The following ABL1 variants were observed in gnomAD, a reference collection of about 807,000 sequenced individuals.
ABL1 encodes ABL proto-oncogene 1, non-receptor tyrosine kinase.
In ABL1, 11 loss-of-function variants were observed where a neutral mutation model predicts 94.7. That is an observed-to-expected ratio of 0.12 (90% CI 0.07 to 0.19). ABL1 has a LOEUF of 0.19. Ranked by LOEUF, ABL1 falls within the 10% of genes least tolerant of loss-of-function variation. The probability of loss-of-function intolerance (pLI) is 1.00; values close to 1 mark genes in which losing one functional copy is unlikely to be tolerated. For synonymous variants in ABL1, 656 were observed against 622.4 expected (o/e 1.05, Z -0.80); for missense variants, 1,082 against 1,489.4 (o/e 0.73, Z 4.50).
chr9:130,782,143 C>T (rs1318638319), intron 1 of ABL1, among the ~76,000 whole-genome samples: 4 of 151,894 alleles, frequency 2.6e-5, no homozygotes, highest in Non-Finnish European at 5.9e-5. Flanking sequence ...ACTGCAACCT[C>T]CACCTTCCAG....
chr9:130,714,010 A>C (rs186471720), exon 1 of ABL1: 2 of 288,224 alleles, frequency 6.9e-6, no homozygotes. Context: ...ATTTCTGTTT[A>C]GGTTTTTCTT....
intron 1 of ABL1, among the ~76,000 whole-genome samples, chr9:130,787,680 C>T (rs1829849322): frequency 6.6e-6 from 1 of 152,148 alleles, no homozygotes; most frequent in East Asian, 1.9e-4. Context: ...GTCACGAGCA[C>T]CTGGTAGTGG....
rs1446461590 is a variant in ABL1 at position 130,862,131 on chromosome 9, T to C, written c.550-632T>C. 3.9e-5 allele frequency among the ~76,000 whole-genome samples: 6 copies of C among 152,240 alleles called. No homozygotes were observed. The highest frequency in any genetic ancestry group is 3.9e-4 in the Admixed American group (6 of 15,288). On this transcript the variant is annotated intron_variant, in intron 3 of 10. Transcript: ENST00000318560. This position sits in a 1 kb window ranked among gnomAD's most constrained non-coding sequence, Gnocchi z 5.5. ...TTCTAGGTTTATCCCCTTTAAATTA[T>C]AAATTAAATGAATTCTTCGCTTTTC...
intron 1 of ABL1, chr9:130,724,794 T>C (rs1831559264): frequency 2.1e-6 from 1 of 475,332 alleles, no homozygotes; most frequent in South Asian, 1.5e-5. Context: ...TGAGATGAAC[T>C]GGATGCTGCA....
At chr9:130,760,817 A>G (rs1046370471) in intron 1 of ABL1, among the ~76,000 whole-genome samples, 1 of 125,366 alleles carries the variant, frequency 8.0e-6, no homozygotes, top group Admixed American at 8.1e-5. Flanking sequence ...CACGGGCCAC[A>G]ACACCCAGCT....
chr9:130,883,105 G>T (rs1831493266), intron 10 of ABL1, among the ~76,000 whole-genome samples: 1 of 152,186 alleles, frequency 6.6e-6, no homozygotes, highest in Non-Finnish European at 1.5e-5. Context: ...TCCCAGCCGG[G>T]CTACAGCACT....
chr9:130,738,680 A>G (rs1307998022), intron 1 of ABL1, among the ~76,000 whole-genome samples: 1 of 152,160 alleles, frequency 6.6e-6, no homozygotes, highest in Non-Finnish European at 1.5e-5. Flanking sequence ...GTTTATATCA[A>G]TTACCTTGCT....
chr9:130,821,221 C>T, intron 1 of ABL1, among the ~76,000 whole-genome samples: 1 of 152,146 alleles, frequency 6.6e-6, no homozygotes, highest in Admixed American at 6.5e-5. Flanking sequence ...TGAGCCACCG[C>T]ACCTGGCCCC....
chr9:130,769,629 G>A (rs1193692977), intron 1 of ABL1, among the ~76,000 whole-genome samples: 1 of 151,990 alleles, frequency 6.6e-6, no homozygotes, highest in Non-Finnish European at 1.5e-5. Context: ...GTGAGCCACC[G>A]TCCCCGGCCC....
In ABL1 at chr9:130,777,433, C is replaced by T. The variant is rs1167953151; in HGVS notation, c.136+62978C>T. Among the ~76,000 whole-genome samples, 5 of 150,864 alleles carry T rather than the reference C, an allele frequency of 3.3e-5. No homozygotes were observed. In the South Asian group the frequency reaches 8.4e-4, roughly 25 times the overall value. On this transcript the variant is annotated intron_variant, in intron 1 of 10. Coordinates refer to the ABL1 transcript ENST00000372348. ...CCTTCTAGACTATGAGCAGGGGAATCGAGGAACCTCTCAGGGCTTTGTGTT... is the reference window on the plus strand; with the variant it reads ...CCTTCTAGACTATGAGCAGGGGAATTGAGGAACCTCTCAGGGCTTTGTGTT...
In ABL1 at chr9:130,730,046, C is replaced by CTTTTT. The variant is rs138446676; in HGVS notation, c.136+15601_136+15605dup. 7.9e-3 allele frequency among the ~76,000 whole-genome samples: 845 copies of CTTTTT among 107,154 alleles called. 58 individuals are homozygous for CTTTTT. The highest frequency in any genetic ancestry group is 0.026 in the African/African-American group (655 of 25,488). 70.3% of individuals were successfully genotyped at this position (107,154 alleles called of 152,430 possible). ...GCGTGAGCCACTGCGCCCAGCCAGA[C>CTTTTT]TTTTTTTTTTTTTTGAGATGGAATT... On this transcript the variant is annotated intron_variant, in intron 1 of 10. Transcript: ENST00000372348.
chr9:130,868,183 C>T (rs1412541469), intron 4 of ABL1, among the ~76,000 whole-genome samples: 1 of 152,142 alleles, frequency 6.6e-6, no homozygotes, highest in Admixed American at 6.6e-5. Context: ...TGGTCTCGAT[C>T]TCCTGACTTC....
In ABL1 at chr9:130,885,398, C is replaced by T. The variant is rs754570061; in HGVS notation, c.3108C>T (p.Thr1036=). 53 of 1,613,490 alleles carry T rather than the reference C, an allele frequency of 3.3e-5. No homozygotes were observed. Among genetic ancestry groups the T allele is most frequent in the South Asian group, 9.9e-5 (9 of 91,092 alleles). ...AITKGVVLDS[T]EALCLAISRN... ...CCAAGGGCGTGGTCCTGGACAGCAC[C>T]GAGGCGCTGTGCCTCGCCATCTCTA... The change falls in exon 11 of 11, where the codon ACC becomes ACT. Residue 1036 remains threonine (T), a synonymous_variant. Transcript: ENST00000318560.
intron 1 of ABL1, among the ~76,000 whole-genome samples, chr9:130,768,596 G>T (rs891968337): frequency 6.6e-6 from 1 of 152,208 alleles, no homozygotes; most frequent in Non-Finnish European, 1.5e-5. Flanking sequence ...AAGAAGAACG[G>T]TAGTAAGTTA....
chr9:130,826,796 C>A (rs181588962), intron 1 of ABL1, among the ~76,000 whole-genome samples: 1 of 151,948 alleles, frequency 6.6e-6, no homozygotes, highest in African/African-American at 2.4e-5. Flanking sequence ...GAGAAATGCC[C>A]GGCCGGGCGC....
intron 1 of ABL1, among the ~76,000 whole-genome samples, chr9:130,843,807 A>G (rs1830716169): frequency 6.6e-6 from 1 of 151,972 alleles, no homozygotes; most frequent in African/African-American, 2.4e-5. Flanking sequence ...GGCCTGGGGG[A>G]TCTGAAAGGA....
At chr9:130,741,995 CAG>C (rs1472142653) in intron 1 of ABL1, among the ~76,000 whole-genome samples, 3 of 152,188 alleles carry the variant, frequency 2.0e-5, no homozygotes, top group Non-Finnish European at 4.4e-5. Context: ...CCTTCTCAGA[CAG>C]GGCCTGGGTG....
chr9:130,834,136 T>C (rs893441534), upstream of ABL1: 3 of 454,214 alleles, frequency 6.6e-6, no homozygotes, highest in Admixed American at 4.7e-5. Context: ...ACCTGAAGAA[T>C]TGGGATAATC....
chr9:130,716,491 TAAA>T (rs920816502), intron 1 of ABL1, among the ~76,000 whole-genome samples: 1 of 152,134 alleles, frequency 6.6e-6, no homozygotes, highest in African/African-American at 2.4e-5. Context: ...TTCTGTGGGT[TAAA>T]AAGGGGGGTA....
Sources: allele counts gnomAD v4.1 joint callset (sites outside exome capture counted in the v4.1 genomes callset), GRCh38; gene constraint gnomAD v4.1.1; non-coding constraint Gnocchi (gnomAD v3.1); transcripts MANE v1.5; gene names NCBI Gene and HGNC (gene_info 2026-07-23, HGNC 2026-07-21).